MSH4: variants seen among roughly 807,000 people sequenced by gnomAD.
The protein encoded by MSH4 is mutS homolog 4.
Under a neutral mutation model 113.7 loss-of-function variants are expected in MSH4, and 106 were observed. That is an observed-to-expected ratio of 0.93 (90% CI 0.80 to 1.10). The LOEUF is 1.10. Among genes scored for constraint, MSH4 ranks in the 50% least tolerant of loss-of-function variants. The probability of loss-of-function intolerance (pLI) is 0.00; values close to 1 mark genes in which losing one functional copy is unlikely to be tolerated. For missense variants in MSH4, 1,061 were observed against 1,093.7 expected (o/e 0.97, Z 0.42); for synonymous variants, 368 against 380.2 (o/e 0.97, Z 0.37).
intron 7 of MSH4, among the ~76,000 whole-genome samples, chr1:75,829,858 A>G (rs1041670008): frequency 2.0e-5 from 3 of 152,156 alleles, no homozygotes; most frequent in African/African-American, 7.2e-5. Flanking sequence ...AAAAGCTGAA[A>G]ATTCTAAAAA....
chr1:75,827,750 G>C (rs1463865749), intron 7 of MSH4, among the ~76,000 whole-genome samples: 1 of 150,722 alleles, frequency 6.6e-6, no homozygotes, highest in East Asian at 1.9e-4. Context: ...AAGATCAAAA[G>C]AGACAAAGAA....
At chr1:75,812,982 T>G (rs973049131) in intron 4 of MSH4, among the ~76,000 whole-genome samples, 3 of 152,132 alleles carry the variant, frequency 2.0e-5, no homozygotes, top group Admixed American at 2.0e-4. Context: ...GTAGCCCAGG[T>G]AGAGTTTGGT....
At chr1:75,884,870 A>G (rs1652027034) in intron 15 of MSH4, among the ~76,000 whole-genome samples, 1 of 151,748 alleles carries the variant, frequency 6.6e-6, no homozygotes, top group African/African-American at 2.4e-5. Flanking sequence ...CATTTTAGCT[A>G]ATTTCCTTCG....
At chr1:75,802,594 A>G (rs1488998922) in intron 1 of MSH4, among the ~76,000 whole-genome samples, 1 of 152,234 alleles carries the variant, frequency 6.6e-6, no homozygotes, top group Non-Finnish European at 1.5e-5. Flanking sequence ...ACATCAGTAG[A>G]TAAGTACCTA....
chr1:75,810,544 C>T (rs890876085), intron 3 of MSH4, among the ~76,000 whole-genome samples, 153 bp from the exon 4 acceptor site: 5 of 151,286 alleles, frequency 3.3e-5, no homozygotes, highest in Admixed American at 2.6e-4. Context: ...TGTGAACCCA[C>T]CTGGCTAGAA....
intron 7 of MSH4, among the ~76,000 whole-genome samples, chr1:75,823,984 A>G (rs1163838567): frequency 2.0e-5 from 3 of 152,124 alleles, no homozygotes; most frequent in Admixed American, 6.5e-5. Flanking sequence ...TTTTTTTGGT[A>G]TATACTCAGT....
intron 17 of MSH4, among the ~76,000 whole-genome samples, chr1:75,892,014 G>A (rs561474540): frequency 1.3e-5 from 2 of 152,290 alleles, no homozygotes; most frequent in East Asian, 1.9e-4. Flanking sequence ...ATGTCTGTGA[G>A]GGTGTTTCTG....
intron 8 of MSH4, among the ~76,000 whole-genome samples, chr1:75,848,542 A>G (rs1265737707): frequency 6.6e-6 from 1 of 152,138 alleles, no homozygotes; most frequent in Non-Finnish European, 1.5e-5. Context: ...GTTCAAGACA[A>G]GCCTGGGCAA....
chr1:75,891,642 C>T (rs1466910407), intron 17 of MSH4, among the ~76,000 whole-genome samples: 4 of 151,870 alleles, frequency 2.6e-5, no homozygotes, highest in Non-Finnish European at 4.4e-5. Context: ...TTAGCTGTGA[C>T]GGGGTTTCAC....
At chr1:75,813,492 T>TC (rs1256609382) in intron 4 of MSH4, among the ~76,000 whole-genome samples, 1 of 152,140 alleles carries the variant, frequency 6.6e-6, no homozygotes, top group Non-Finnish European at 1.5e-5. Context: ...TCAGTTTTTT[T>TC]CATCAGTAAA....
chr1:75,840,578 T>G, intron 7 of MSH4, among the ~76,000 whole-genome samples: 1 of 144,284 alleles, frequency 6.9e-6, no homozygotes, highest in African/African-American at 2.6e-5. Flanking sequence ...AAATGATGAG[T>G]TAATGGGTGC....
chr1:75,877,695 A>G (rs192481301), intron 10 of MSH4, among the ~76,000 whole-genome samples: 14 of 152,308 alleles, frequency 9.2e-5, no homozygotes, highest in Middle Eastern at 3.4e-3. Context: ...CGCTGTCTAC[A>G]TATGTGTTTA....
intron 7 of MSH4, among the ~76,000 whole-genome samples, chr1:75,843,878 C>T (rs1651021456): frequency 6.6e-6 from 1 of 151,780 alleles, no homozygotes; most frequent in African/African-American, 2.4e-5. Context: ...ATGGAGTGAT[C>T]TCGGCTCACT....
chr1:75,819,189 C>T (rs1382737171), intron 6 of MSH4, among the ~76,000 whole-genome samples: 1 of 152,118 alleles, frequency 6.6e-6, no homozygotes, highest in Non-Finnish European at 1.5e-5. Context: ...GGCCAGTAAA[C>T]TGACAAAAGT....
intron 7 of MSH4, among the ~76,000 whole-genome samples, chr1:75,841,965 G>T (rs903470447): frequency 2.0e-5 from 3 of 152,168 alleles, no homozygotes; most frequent in African/African-American, 7.2e-5. Flanking sequence ...AGCCAAATAT[G>T]AGTGACCATG....
chr1:75,865,771 C>A (rs1651549839), intron 8 of MSH4, among the ~76,000 whole-genome samples: 3 of 152,186 alleles, frequency 2.0e-5, no homozygotes, highest in Admixed American at 2.0e-4. Context: ...TTAGAACACA[C>A]AAGGCCATGA....
intron 14 of MSH4, among the ~76,000 whole-genome samples, chr1:75,882,216 T>C (rs1048823209): frequency 6.6e-6 from 1 of 152,148 alleles, no homozygotes; most frequent in Non-Finnish European, 1.5e-5. Flanking sequence ...AATGGTAGTT[T>C]TGTTTTTAAA....
At chr1:75,853,021 G>A (rs537479432) in intron 8 of MSH4, among the ~76,000 whole-genome samples, 20 of 152,038 alleles carry the variant, frequency 1.3e-4, no homozygotes, top group African/African-American at 4.6e-4. Flanking sequence ...GTGACTTTTT[G>A]TGGGCTTTTC....
intron 15 of MSH4, among the ~76,000 whole-genome samples, chr1:75,886,812 A>T: frequency 1.0e-5 from 1 of 99,504 alleles, no homozygotes; most frequent in African/African-American, 3.7e-5. Flanking sequence ...ATATATATAT[A>T]CTCACACTGG....
Sources: allele counts gnomAD v4.1 joint callset (sites outside exome capture counted in the v4.1 genomes callset), GRCh38; gene constraint gnomAD v4.1.1; transcripts MANE v1.5; gene names NCBI Gene and HGNC (gene_info 2026-07-23, HGNC 2026-07-21).